The following LARP7 variants were observed in gnomAD, a reference collection of about 807,000 sequenced individuals.
LARP7 encodes the protein La ribonucleoprotein 7, transcriptional regulator, also known as la-related protein 7.
In LARP7, 52 loss-of-function variants were observed where a neutral mutation model predicts 69.3. The observed-to-expected ratio is 0.75, with a 90% confidence interval of 0.60 to 0.95. The LOEUF (loss-of-function observed/expected upper bound fraction) is 0.95, where lower values mean the gene tolerates loss of function less well. Ranked by LOEUF, LARP7 falls within the 40% of genes least tolerant of loss-of-function variation. The pLI is 0.00. For missense variants in LARP7, 733 were observed against 673.0 expected, an observed-to-expected ratio of 1.09 and a Z score of -0.99; for synonymous variants, 254 against 215.9, an observed-to-expected ratio of 1.18 and a Z score of -1.55.
At chr4:112,650,379 T>G (rs2048667440) in intron 9 of LARP7, 82 bp from the exon 10 acceptor site, 2 of 1,317,110 alleles carry the variant, frequency 1.5e-6, no homozygotes, top group East Asian at 4.7e-5. Context: ...CCTCAGGAAT[T>G]ATTCTAAGGT....
intron 11 of LARP7, among the ~76,000 whole-genome samples, chr4:112,653,757 G>T (rs1024774698): frequency 3.3e-5 from 5 of 152,134 alleles, no homozygotes; most frequent in African/African-American, 7.2e-5. Context: ...CCAAAGTGCT[G>T]GGATTACAGA....
intron 11 of LARP7, among the ~76,000 whole-genome samples, chr4:112,653,599 C>T (rs559861301): frequency 3.3e-5 from 5 of 152,304 alleles, no homozygotes; most frequent in African/African-American, 1.2e-4. Flanking sequence ...ATTCTCCTGC[C>T]TCAGCCTCCC....
chr4:112,656,568 T>C (rs754268473), intron 12 of LARP7, among the ~76,000 whole-genome samples: 91 of 152,186 alleles, frequency 6.0e-4, no homozygotes, highest in Admixed American at 2.0e-4. Context: ...TTGGTAAAAA[T>C]AGATAACAGC....
intron 1 of LARP7, chr4:112,637,692 A>C (rs2047734698): frequency 6.6e-6 from 1 of 152,248 alleles, no homozygotes; most frequent in Non-Finnish European, 1.5e-5. Flanking sequence ...ACGGAAGGGA[A>C]CTAACACTTG....
At chr4:112,654,003 C>A in intron 11 of LARP7, 65 bp from the exon 12 acceptor site, 2 of 1,109,522 alleles carry the variant, frequency 1.8e-6, no homozygotes, top group Non-Finnish European at 2.7e-6. Flanking sequence ...GAATGTAATG[C>A]CTTGAATATG....
chr4:112,653,235 T>C lies in LARP7; in HGVS notation c.1575T>C (p.Ser525=), dbSNP rs2048823414. Residue 525 remains serine (S), a splice_region_variant and synonymous_variant, in exon 11 of 13, where the codon TCT becomes TCC. Coordinates refer to ENST00000344442, the MANE Select transcript of LARP7 (RefSeq NM_016648.4). ...KKHCWKLEIL[S]GDHEQRYWQK... ...ACTGCTGGAAACTCGAGATCCTTTC[T>C]GGTAAAACTTCATAGACGTTTCCTT... 8.9e-6 allele frequency: 14 copies of C among 1,575,476 alleles called. No homozygotes were observed. Among genetic ancestry groups the C allele is most frequent in the Admixed American group, 2.0e-5 (1 of 48,868 alleles).
chr4:112,648,488 C>A, intron 8 of LARP7: 1 of 534,224 alleles, frequency 1.9e-6, no homozygotes, highest in South Asian at 1.4e-5. Context: ...TGGATTCACT[C>A]CTACTAAAAC....
intron 12 of LARP7, among the ~76,000 whole-genome samples, chr4:112,655,721 C>G (rs2048927213): frequency 1.3e-5 from 2 of 152,072 alleles, no homozygotes; most frequent in Admixed American, 6.5e-5. Context: ...CAGTGCTAGA[C>G]AGAAAAATAA....
At chr4:112,640,373 G>A (rs900222321) in intron 1 of LARP7, among the ~76,000 whole-genome samples, 1 of 152,160 alleles carries the variant, frequency 6.6e-6, no homozygotes, top group Non-Finnish European at 1.5e-5. Context: ...TGCCTTCATA[G>A]TGTCTACATT....
chr4:112,644,367 T>C (rs1375137265), intron 1 of LARP7: 2 of 524,612 alleles, frequency 3.8e-6, no homozygotes, highest in Admixed American at 9.0e-5. Flanking sequence ...ACTTTTCACT[T>C]ACTGACTTAA....
In LARP7 at chr4:112,649,663, A is replaced by C. The variant is rs1321502751; in HGVS notation, c.1271A>C (p.Asn424Thr). The C allele has an allele frequency of 6.3e-7, 1 of 1,598,584 alleles. No individual in the cohort carries two copies. ...GAAACAGACAGTGGAGTACCTCAAA[A>C]CACTGGAATGAAAAATGAAAAAAGT... Reference protein sequence around the residue: ...EMETDSGVPQNTGMKNEKTAN... With the variant: ...EMETDSGVPQTTGMKNEKTAN... Residue 424 changes from asparagine to threonine, a missense_variant, in exon 9 of 13, where the codon AAC (asparagine) becomes ACC (threonine). Transcript: ENST00000344442.
At chr4:112,649,153 G>A (rs2048575650) in intron 8 of LARP7, among the ~76,000 whole-genome samples, 1 of 152,032 alleles carries the variant, frequency 6.6e-6, no homozygotes, top group Non-Finnish European at 1.5e-5. Context: ...TAAATACTAA[G>A]GAATGTTATC....
At position 112,646,928 on chromosome 4, in the gene LARP7, A is replaced by C; in HGVS notation, c.525A>C (p.Thr175=). 1 of 1,608,038 alleles carries C rather than the reference A, an allele frequency of 6.2e-7. No homozygotes were observed. Among genetic ancestry groups the C allele is most frequent in the Non-Finnish European group, 8.5e-7 (1 of 1,178,706 alleles). ...PKGFAFVEFE[T]KEQAAKAIEF... ...GATTTGCGTTTGTGGAATTTGAAAC[A>C]AAAGAACAAGCAGCAAAAGCAATTG... Residue 175 remains threonine, a synonymous_variant, in exon 5 of 13, where the codon ACA becomes ACC. Transcript: ENST00000344442.
intron 9 of LARP7, 129 bp downstream of exon 9, chr4:112,649,815 C>A: frequency 1.7e-6 from 1 of 593,472 alleles, no homozygotes. Flanking sequence ...TAGAACAATT[C>A]TTGATTTGTT....
intron 7 of LARP7, 25 bp from the exon 8 acceptor site, chr4:112,647,665 G>A (rs147971163): frequency 1.7e-5 from 26 of 1,506,068 alleles, no homozygotes; most frequent in East Asian, 1.1e-4. Flanking sequence ...ATGTCTTAAC[G>A]GAGAGCTTTT....
At chr4:112,650,230 T>A (rs1446619491) in intron 9 of LARP7, among the ~76,000 whole-genome samples, 32 of 152,212 alleles carry the variant, frequency 2.1e-4, no homozygotes, top group Non-Finnish European at 1.5e-5. Flanking sequence ...TTACGAATGC[T>A]CTTCTAGCAG....
chr4:112,648,706 CAGGGA>C (rs2048529894), intron 8 of LARP7: 1 of 342,762 alleles, frequency 2.9e-6, no homozygotes, highest in African/African-American at 2.2e-5. Context: ...GGGTAAAAGG[CAGGGA>C]CTTCAGCCAC....
intron 1 of LARP7, chr4:112,637,454 T>C (rs971367511): frequency 6.6e-6 from 1 of 152,260 alleles, no homozygotes; most frequent in Non-Finnish European, 1.5e-5. Flanking sequence ...TAAGGGCGCA[T>C]AGGGGCCCGG....
In LARP7 at chr4:112,653,087, C is replaced by A; in HGVS notation, c.1427C>A (p.Ala476Glu). 4 of 1,584,944 alleles carry A rather than the reference C, an allele frequency of 2.5e-6. No individual in the cohort carries two copies. The highest frequency in any genetic ancestry group is 3.4e-6 in the Non-Finnish European group (4 of 1,171,410). The change falls in exon 11 of 13, where the codon GCA becomes GAA. Residue 476 changes from alanine (A) to glutamate (E), a missense_variant. Ala to Glu is a moderately radical substitution (Grantham distance 107). Transcript: ENST00000344442. ...PGRKQVRDTL[A>E]AISEVLYVDL... ...TTAACTCTAATGCAGGATACTTTGG[C>A]AGCAATCTCAGAAGTTCTTTATGTT... is the stretch of plus-strand genomic sequence containing the variant.
Sources: gnomAD v4.1 joint callset for allele counts (sites outside exome capture counted in the v4.1 genomes callset) on GRCh38, gnomAD v4.1.1 for gene constraint, MANE v1.5 for transcripts, NCBI Gene and HGNC (gene_info 2026-07-23, HGNC 2026-07-21) for gene names.